The following KATNIP variants were observed in gnomAD, a reference collection of about 807,000 sequenced individuals.
KATNIP encodes katanin-interacting protein.
KATNIP carries 126 observed loss-of-function variants against 174.0 expected under a neutral mutation model. The observed-to-expected ratio is 0.72, with a 90% CI of 0.63 to 0.84. The LOEUF (loss-of-function observed/expected upper bound fraction) is 0.84. Among genes scored for constraint, KATNIP ranks in the 40% least tolerant of loss-of-function variants. The probability of loss-of-function intolerance (pLI) is 0.00; values close to 1 mark genes in which losing one functional copy is unlikely to be tolerated. For synonymous variants in KATNIP, 810 were observed against 835.7 expected, an observed-to-expected ratio of 0.97 and a Z score of 0.53; for missense variants, 1,958 against 2,109.7, an observed-to-expected ratio of 0.93 and a Z score of 1.41.
intron 11 of KATNIP, among the ~76,000 whole-genome samples, chr16:27,702,227 G>C (rs1413756995): frequency 1.3e-5 from 2 of 152,034 alleles, no homozygotes; most frequent in Non-Finnish European, 2.9e-5. Context: ...ACCTTCTCCA[G>C]GTTTCCAGTA....
In KATNIP at chr16:27,771,593, A is replaced by T; in HGVS notation, c.4139A>T (p.Asp1380Val). ...GCTGTTTTGTGCTTTTTCAGGCTGGACATGAGAAGCCTGGAGTGTGCAAGC... is the reference window on the plus strand; with the variant it reads ...GCTGTTTTGTGCTTTTTCAGGCTGGTCATGAGAAGCCTGGAGTGTGCAAGC... The part of the protein sequence containing the change: ...QLLPQPARRL[D>V]MRSLECASMD... The change falls in exon 22 of 28, where the codon GAC becomes GTC. Residue 1380 changes from aspartate to valine, a missense_variant. Asp to Val is a radical substitution (Grantham distance 152). Around this residue, in one of 3 missense-constraint regions of KATNIP, gnomAD observed 383 missense variants for 456.0 expected, o/e 0.84. Coordinates refer to ENST00000261588, the MANE Select transcript of KATNIP (RefSeq NM_015202.5). The T allele has an allele frequency of 6.2e-7, 1 of 1,612,524 alleles. No individual in the cohort carries two copies. The highest frequency in any genetic ancestry group is 1.7e-5 in the Admixed American group (1 of 59,880).
rs369751517 is a variant in KATNIP, at chr16:27,699,631, C to T, written c.1179+32C>T. ...GCTAGGCAGAGATGAATGACAAAGC[C>T]CCACGCATGTGCGTAGCTCCCGATG... is the stretch of plus-strand genomic sequence containing the variant. On this transcript the variant is annotated intron_variant, in intron 10 of 27. Transcript: ENST00000261588. 7 of 1,613,478 alleles carry T rather than the reference C, an allele frequency of 4.3e-6. No homozygotes were observed. In the African/African-American group the frequency reaches 9.3e-5, roughly 22 times the overall value.
At chr16:27,564,554 G>A (rs1158669600) in intron 1 of KATNIP, among the ~76,000 whole-genome samples, 1 of 152,094 alleles carries the variant, frequency 6.6e-6, no homozygotes, top group African/African-American at 2.4e-5. Flanking sequence ...ATCTTAGCAT[G>A]ACTTGTTTAT....
intron 9 of KATNIP, 133 bp from the exon 10 acceptor site, chr16:27,699,401 C>T: frequency 6.9e-7 from 1 of 1,457,146 alleles, no homozygotes; most frequent in South Asian, 1.4e-5. Context: ...AGACCTCTGA[C>T]CTTGCCCCTG....
intron 12 of KATNIP, among the ~76,000 whole-genome samples, chr16:27,708,240 C>G (rs551186579): frequency 6.6e-6 from 1 of 151,478 alleles, no homozygotes; most frequent in Non-Finnish European, 1.5e-5. Flanking sequence ...TTAGGCTGAT[C>G]TTGAACTCCT....
At chr16:27,622,206 C>T (rs1428242560) in intron 3 of KATNIP, among the ~76,000 whole-genome samples, 3 of 152,174 alleles carry the variant, frequency 2.0e-5, no homozygotes, top group Non-Finnish European at 4.4e-5. Context: ...CACCACACAG[C>T]TCTTACCCTT....
rs1397280565 is a variant in KATNIP at position 27,694,441 on chromosome 16, G to A, written c.941-3887G>A. Among the ~76,000 whole-genome samples, 3 of 152,022 alleles carry A rather than the reference G, an allele frequency of 2.0e-5. No individual in the cohort carries two copies. In the East Asian group the frequency reaches 5.8e-4, roughly 29 times the overall value. ...TGTAAATTTCATTAGTTTGTTTTAG[G>A]CCAACATTAATACCAATCTTTGATA... On this transcript the variant is annotated intron_variant, in intron 8 of 27. Transcript: ENST00000261588.
intron 2 of KATNIP, among the ~76,000 whole-genome samples, chr16:27,612,626 G>T (rs920039353): frequency 6.6e-6 from 1 of 152,182 alleles, no homozygotes; most frequent in African/African-American, 2.4e-5. Context: ...AGGCAAGGTG[G>T]TGCATGCCTG....
intron 3 of KATNIP, among the ~76,000 whole-genome samples, chr16:27,628,413 A>G (rs993044977): frequency 2.0e-5 from 3 of 152,228 alleles, no homozygotes; most frequent in African/African-American, 7.2e-5. Context: ...GCTAATGTGT[A>G]TTTGAGCCTC....
At chr16:27,664,750 G>A (rs377645199) in intron 6 of KATNIP, among the ~76,000 whole-genome samples, 3 of 152,310 alleles carry the variant, frequency 2.0e-5, no homozygotes, top group South Asian at 4.1e-4. Context: ...TTGAGAGAGT[G>A]TACCTTTCAT....
intron 8 of KATNIP, among the ~76,000 whole-genome samples, chr16:27,690,922 TCCCAA>T (rs2078708339): frequency 6.6e-6 from 1 of 152,146 alleles, no homozygotes; most frequent in Admixed American, 6.5e-5. Context: ...ATGCCAGGAA[TCCCAA>T]TTTTCAGGTG....
chr16:27,674,859 A>G (rs1191164797), intron 6 of KATNIP, among the ~76,000 whole-genome samples: 3 of 152,096 alleles, frequency 2.0e-5, no homozygotes, highest in African/African-American at 2.4e-5. Context: ...CTCTCAATCC[A>G]TTACCGTAAC....
At chr16:27,711,517 C>T (rs565939421) in intron 13 of KATNIP, among the ~76,000 whole-genome samples, 5 of 152,094 alleles carry the variant, frequency 3.3e-5, no homozygotes, top group African/African-American at 4.8e-5. Context: ...TCGGCAGTGT[C>T]GGTTAGCTGG....
chr16:27,730,203 G>A (rs1403867695), intron 14 of KATNIP, among the ~76,000 whole-genome samples: 1 of 152,240 alleles, frequency 6.6e-6, no homozygotes, highest in African/African-American at 2.4e-5. Context: ...GCTGTGCACT[G>A]GTTACCAGAT....
intron 10 of KATNIP, among the ~76,000 whole-genome samples, chr16:27,700,673 G>A (rs541396735): frequency 7.9e-4 from 121 of 152,280 alleles, no homozygotes; most frequent in Non-Finnish European, 1.5e-3. Context: ...TGGAAGGAAC[G>A]GGGAAAAGCT....
intron 14 of KATNIP, among the ~76,000 whole-genome samples, chr16:27,737,765 T>G (rs940537216): frequency 6.6e-6 from 1 of 152,100 alleles, no homozygotes. Context: ...ACCCACCCAC[T>G]CCTAGGAGAA....
At chr16:27,752,249 A>G (rs2081549905) in intron 17 of KATNIP, among the ~76,000 whole-genome samples, 1 of 152,094 alleles carries the variant, frequency 6.6e-6, no homozygotes, top group Non-Finnish European at 1.5e-5. Context: ...CGTTTTGATC[A>G]TTCACTGTTG....
chr16:27,551,125 A>G (rs1173548063), intron 1 of KATNIP, among the ~76,000 whole-genome samples: 1 of 152,192 alleles, frequency 6.6e-6, no homozygotes, highest in African/African-American at 2.4e-5. Context: ...GGTATTGACA[A>G]TTGGAAGCAA....
At chr16:27,654,645 T>G (rs1382295304) in intron 6 of KATNIP, 1 of 1,351,932 alleles carries the variant, frequency 7.4e-7, no homozygotes, top group African/African-American at 1.5e-5. Context: ...CCCTGTGGTT[T>G]TAACTTCTCC....
Sources: allele counts gnomAD v4.1 joint callset (sites outside exome capture counted in the v4.1 genomes callset), GRCh38; gene constraint gnomAD v4.1.1; regional missense constraint gnomAD v4.1.1; transcripts MANE v1.5; gene names NCBI Gene and HGNC (gene_info 2026-07-23, HGNC 2026-07-21).